CUEDC1: variants seen among roughly 807,000 people sequenced by gnomAD.
CUEDC1 encodes CUE domain-containing protein 1.
CUEDC1 carries 30 observed loss-of-function variants against 43.7 expected under a neutral mutation model. That is an observed-to-expected ratio of 0.69 (90% CI 0.51 to 0.93). The LOEUF is 0.93. CUEDC1 is among the 40% of genes least tolerant of loss of function. CUEDC1 has a pLI of 0.00. For missense variants in CUEDC1, 486 were observed against 549.0 expected, an observed-to-expected ratio of 0.89 and a Z score of 1.15; for synonymous variants, 223 against 223.6, an observed-to-expected ratio of 1.00 and a Z score of 0.02.
At chr17:57,892,198 T>C (rs1406169699) in intron 1 of CUEDC1, among the ~76,000 whole-genome samples, 4 of 152,102 alleles carry the variant, frequency 2.6e-5, no homozygotes, top group Non-Finnish European at 4.4e-5. Context: ...CTAGAAGATA[T>C]ATAAGGGAAT....
intron 3 of CUEDC1, among the ~76,000 whole-genome samples, chr17:57,878,200 A>C (rs754960409): frequency 6.6e-6 from 1 of 152,224 alleles, no homozygotes; most frequent in Non-Finnish European, 1.5e-5. Context: ...AAGAGTGATT[A>C]GCTTTAAGTC....
At chr17:57,927,111 G>A (rs1476470507) in intron 1 of CUEDC1, among the ~76,000 whole-genome samples, 1 of 152,212 alleles carries the variant, frequency 6.6e-6, no homozygotes, top group Non-Finnish European at 1.5e-5. Flanking sequence ...GGGGGCCAAT[G>A]TTTAGAATCC....
Position 57,917,677 on chromosome 17 carries a change from C to T in CUEDC1, c.-315-31798G>A, listed in dbSNP as rs141376760. On this transcript the variant is annotated intron_variant, in intron 1 of 10. Coordinates refer to ENST00000577830, the MANE Select transcript of CUEDC1 (RefSeq NM_001271875.2). ...AAATAACTCACCCAAGGTCACACAG[C>T]GAGTAAGTGGCAAAGCTAGGATTCA... Among the ~76,000 whole-genome samples the T allele has an allele frequency of 7.4e-4, 112 of 152,284 alleles. 1 individual carries two copies. In the East Asian group the frequency reaches 0.019, roughly 26 times the overall value.
intron 1 of CUEDC1, among the ~76,000 whole-genome samples, chr17:57,919,631 T>C (rs1465546104): frequency 6.6e-6 from 1 of 152,010 alleles, no homozygotes; most frequent in Non-Finnish European, 1.5e-5. Flanking sequence ...GCCATGCACA[T>C]AGTAAGTTTT....
intron 1 of CUEDC1, among the ~76,000 whole-genome samples, chr17:57,902,067 A>G (rs376492192): frequency 1.4e-3 from 209 of 152,092 alleles, no homozygotes; most frequent in African/African-American, 4.8e-3. Flanking sequence ...CCAGCTACTC[A>G]GGAGGCTGAG....
intron 10 of CUEDC1, 132 bp downstream of exon 10, chr17:57,866,342 G>T: frequency 1.5e-6 from 1 of 686,844 alleles, no homozygotes; most frequent in South Asian, 1.9e-5. Flanking sequence ...TATGAGGGAA[G>T]ACACGTGGGG....
intron 1 of CUEDC1, among the ~76,000 whole-genome samples, chr17:57,941,878 C>T (rs972599142): frequency 5.9e-5 from 9 of 152,244 alleles, no homozygotes; most frequent in East Asian, 1.9e-4. Flanking sequence ...GGAAGGAAAA[C>T]GAGGTGAATG....
At chr17:57,877,297 G>C (rs2074139282) in intron 3 of CUEDC1, among the ~76,000 whole-genome samples, 1 of 152,226 alleles carries the variant, frequency 6.6e-6, no homozygotes, top group African/African-American at 2.4e-5. Context: ...AGCCAGAGTA[G>C]GGAGGGAGGA....
intron 1 of CUEDC1, among the ~76,000 whole-genome samples, chr17:57,916,367 G>A (rs924723140): frequency 6.6e-5 from 10 of 152,354 alleles, no homozygotes; most frequent in African/African-American, 2.4e-4. Context: ...AAGGCTTCCT[G>A]TCAGGCCCTG....
rs1444218778 is a variant in CUEDC1, at chr17:57,869,161, C to G, written c.901G>C (p.Asp301His). Residue 301 changes from aspartate to histidine, a missense_variant, in exon 7 of 11, where the codon GAT becomes CAT. Transcript: ENST00000577830. Reference protein sequence around the residue: ...TGDANPAVSEDALFRDKLKHM... With the variant: ...TGDANPAVSEHALFRDKLKHM... Reference sequence around the variant, plus strand: ...TTCAGCTTGTCCCTGAATAAGGCATCTTCAGACACAGCGGGGTTGGCGTCG... The same window carrying G: ...TTCAGCTTGTCCCTGAATAAGGCATGTTCAGACACAGCGGGGTTGGCGTCG... 1 of 1,614,150 alleles carries G rather than the reference C, an allele frequency of 6.2e-7. No homozygotes were observed. Among genetic ancestry groups the G allele is most frequent in the South Asian group, 1.1e-5 (1 of 91,044 alleles).
At chr17:57,947,147 GA>G (rs34707577) in intron 1 of CUEDC1, among the ~76,000 whole-genome samples, 7,407 of 79,710 alleles carry the variant, frequency 0.093, 199 homozygotes, top group African/African-American at 0.18. Flanking sequence ...GTCACCAGGA[GA>G]AAAAAAAAAA....
At chr17:57,911,344 T>C (rs143622054) in intron 1 of CUEDC1, among the ~76,000 whole-genome samples, 3 of 152,316 alleles carry the variant, frequency 2.0e-5, no homozygotes, top group South Asian at 2.1e-4. Context: ...TCAGCCAATA[T>C]TGATCTCTCT....
At chr17:57,908,157 A>G (rs533974895) in intron 1 of CUEDC1, among the ~76,000 whole-genome samples, 7 of 152,178 alleles carry the variant, frequency 4.6e-5, no homozygotes, top group African/African-American at 1.4e-4. Context: ...CCCAGGTTCA[A>G]GTGATTCTTC....
intron 1 of CUEDC1, among the ~76,000 whole-genome samples, chr17:57,950,823 T>C (rs920095973): frequency 6.6e-6 from 1 of 152,206 alleles, no homozygotes; most frequent in Non-Finnish European, 1.5e-5. Flanking sequence ...CCTGACTAGG[T>C]TCCCTTCCTC....
chr17:57,861,870 G>T lies in CUEDC1; in HGVS notation c.*1419C>A, dbSNP rs942518261. On this transcript the variant is annotated 3_prime_UTR_variant, in exon 11 of 11. Transcript: ENST00000577830. ...GCAGCGGAGGGGGCGACCGCTCCTCGGCAGGGCCCCCCGAGCCAGCGTCCC... is the reference window on the plus strand; with the variant it reads ...GCAGCGGAGGGGGCGACCGCTCCTCTGCAGGGCCCCCCGAGCCAGCGTCCC... 2 of 151,048 alleles carry T rather than the reference G, an allele frequency of 1.3e-5. No individual in the cohort carries two copies. The highest frequency in any genetic ancestry group is 4.9e-5 in the African/African-American group (2 of 40,890). 9.4% of individuals were successfully genotyped at this position (151,048 alleles called of 1,614,324 possible). A position where few individuals can be genotyped will look rare whatever the true frequency, so the allele number is the denominator to read the frequency against.
At chr17:57,885,119 G>A in intron 2 of CUEDC1, 110 bp downstream of exon 2, 2 of 1,459,180 alleles carry the variant, frequency 1.4e-6, no homozygotes, top group Non-Finnish European at 1.8e-6. Context: ...GAGTAACCCA[G>A]GTCCTCTTAG....
chr17:57,934,318 G>A (rs1338066105), intron 1 of CUEDC1, among the ~76,000 whole-genome samples: 1 of 152,024 alleles, frequency 6.6e-6, no homozygotes, highest in Non-Finnish European at 1.5e-5. Context: ...CTTGAACCCA[G>A]GAGTCGGAGG....
chr17:57,926,035 G>A (rs1939655680), intron 1 of CUEDC1, among the ~76,000 whole-genome samples: 1 of 152,236 alleles, frequency 6.6e-6, no homozygotes, highest in Non-Finnish European at 1.5e-5. Context: ...TAGGGTCAGG[G>A]GCCCTGTGCC....
chr17:57,880,036 A>C (rs575875612), intron 2 of CUEDC1, among the ~76,000 whole-genome samples: 1 of 152,336 alleles, frequency 6.6e-6, no homozygotes, highest in African/African-American at 2.4e-5. Flanking sequence ...AGGCAGAAAC[A>C]AATACACAGT....
Sources: gnomAD v4.1 joint callset for allele counts (sites outside exome capture counted in the v4.1 genomes callset) on GRCh38, gnomAD v4.1.1 for gene constraint, MANE v1.5 for transcripts, NCBI Gene and HGNC (gene_info 2026-07-23, HGNC 2026-07-21) for gene names.